Variants in MACROD2 observed in about 807,000 individuals in gnomAD.
MACROD2 encodes the protein ADP-ribose glycohydrolase MACROD2.
MACROD2 carries 36 observed loss-of-function variants against 70.4 expected under a neutral mutation model. The observed-to-expected ratio is 0.51, with a 90% CI of 0.39 to 0.68. The LOEUF (loss-of-function observed/expected upper bound fraction) is 0.68. Ranked by LOEUF, MACROD2 falls within the 30% of genes least tolerant of loss-of-function variation. The probability of loss-of-function intolerance (pLI) is 0.00; values close to 1 mark genes in which losing one functional copy is unlikely to be tolerated. For missense variants in MACROD2, 496 were observed against 538.4 expected (o/e 0.92, Z 0.78); for synonymous variants, 172 against 178.8 (o/e 0.96, Z 0.30).
chr20:14,497,010 G>A (rs1338647378), intron 4 of MACROD2, among the ~76,000 whole-genome samples: 1 of 151,724 alleles, frequency 6.6e-6, no homozygotes, highest in African/African-American at 2.4e-5. Flanking sequence ...GTTCTTGACT[G>A]CCACTCCAGG....
rs2071962192 is a variant in MACROD2 at position 14,757,854 on chromosome 20, C to T, written c.418+72895C>T. ...CCTGCCACTCTATGCCGTAGCCGTCCAGGGACTGGCAGGCCTCGGCCTAAA... is the reference window on the plus strand; with the variant it reads ...CCTGCCACTCTATGCCGTAGCCGTCTAGGGACTGGCAGGCCTCGGCCTAAA... On this transcript the variant is annotated intron_variant, in intron 5 of 17. Transcript: ENST00000684519. 13 of 1,510,808 alleles carry T rather than the reference C, an allele frequency of 8.6e-6. No individual in the cohort carries two copies. The Admixed American group carries it at 2.0e-4, about 23-fold the overall frequency. The allele number at this position is 1,510,808 out of a possible 1,614,324, so 93.6% of individuals were successfully genotyped here.
intron 8 of MACROD2, among the ~76,000 whole-genome samples, chr20:15,803,147 C>T (rs2063740780): frequency 6.6e-6 from 1 of 152,046 alleles, no homozygotes; most frequent in Non-Finnish European, 1.5e-5. Flanking sequence ...GGAATTCTTC[C>T]TAACTCACCC....
chr20:15,096,599 C>A (rs1171073787), intron 5 of MACROD2, among the ~76,000 whole-genome samples: 3 of 146,902 alleles, frequency 2.0e-5, no homozygotes, highest in African/African-American at 7.5e-5. Flanking sequence ...GCAGCCTCCG[C>A]CTGCCAGGTT....
intron 5 of MACROD2, among the ~76,000 whole-genome samples, chr20:14,957,528 T>C (rs1458336288): frequency 1.3e-5 from 2 of 152,214 alleles, no homozygotes; most frequent in African/African-American, 2.4e-5. Flanking sequence ...CAGAGAGTCA[T>C]AGATGGCAAA....
At chr20:15,111,114 A>T (rs1279446281) in intron 5 of MACROD2, among the ~76,000 whole-genome samples, 2 of 151,860 alleles carry the variant, frequency 1.3e-5, no homozygotes, top group African/African-American at 4.8e-5. Flanking sequence ...AATCAATCTT[A>T]AGTCTGCTGT....
intron 4 of MACROD2, among the ~76,000 whole-genome samples, chr20:14,635,488 A>G (rs887687925): frequency 6.6e-6 from 1 of 152,252 alleles, no homozygotes; most frequent in African/African-American, 2.4e-5. Context: ...AAGAATGTCC[A>G]TCACAATAGT....
At chr20:15,428,289 G>A (rs2146352473) in intron 6 of MACROD2, among the ~76,000 whole-genome samples, 1 of 152,256 alleles carries the variant, frequency 6.6e-6, no homozygotes, top group South Asian at 2.1e-4. Flanking sequence ...GAATTAAAGT[G>A]GGCCATCTTG....
At chr20:15,858,590 A>G (rs2147158000) in intron 8 of MACROD2, among the ~76,000 whole-genome samples, 1 of 152,280 alleles carries the variant, frequency 6.6e-6, no homozygotes, top group Admixed American at 6.5e-5. Flanking sequence ...ATGTATTTTG[A>G]TGGTTAGCTC....
At chr20:14,213,932 A>T (rs2081592204) in intron 3 of MACROD2, among the ~76,000 whole-genome samples, 1 of 152,100 alleles carries the variant, frequency 6.6e-6, no homozygotes, top group African/African-American at 2.4e-5. Flanking sequence ...ATTTAATGGG[A>T]ATATGATTAT....
At chr20:14,868,408 C>G (rs1391790783) in intron 5 of MACROD2, among the ~76,000 whole-genome samples, 1 of 151,912 alleles carries the variant, frequency 6.6e-6, no homozygotes, top group Non-Finnish European at 1.5e-5. Context: ...TCAAATGATT[C>G]TCTCACCTTG....
chr20:16,027,000 G>A (rs756778087), intron 15 of MACROD2, among the ~76,000 whole-genome samples: 1 of 152,156 alleles, frequency 6.6e-6, no homozygotes, highest in Non-Finnish European at 1.5e-5. Context: ...GCATAAAAAT[G>A]TTTAAACCCA....
intron 6 of MACROD2, among the ~76,000 whole-genome samples, chr20:15,347,356 A>G (rs2078177946): frequency 6.6e-6 from 1 of 152,194 alleles, no homozygotes; most frequent in African/African-American, 2.4e-5. Flanking sequence ...AGAAATGGAA[A>G]TGTAAGCACT....
intron 5 of MACROD2, among the ~76,000 whole-genome samples, chr20:14,942,364 C>G (rs1306704905): frequency 6.9e-6 from 1 of 144,606 alleles, no homozygotes; most frequent in Non-Finnish European, 1.5e-5. Flanking sequence ...TCTTCCTGTT[C>G]TTTCTCCTTA....
At chr20:14,759,052 C>T (rs1449761489) in intron 5 of MACROD2, among the ~76,000 whole-genome samples, 1 of 152,006 alleles carries the variant, frequency 6.6e-6, no homozygotes, top group Non-Finnish European at 1.5e-5. Context: ...TATATGCTTT[C>T]TGTTAAGCTG....
chr20:15,053,899 C>A (rs992399630), intron 5 of MACROD2, among the ~76,000 whole-genome samples: 4 of 152,102 alleles, frequency 2.6e-5, no homozygotes, highest in Non-Finnish European at 5.9e-5. Context: ...TCAACATGAA[C>A]AGGAGCTTGG....
chr20:14,138,202 T>A (rs1040994165), intron 3 of MACROD2, among the ~76,000 whole-genome samples: 1 of 152,070 alleles, frequency 6.6e-6, no homozygotes, highest in African/African-American at 2.4e-5. Flanking sequence ...AGTATGGAGG[T>A]TCCTTGAGAA....
At chr20:14,770,322 G>A (rs1478872450) in intron 5 of MACROD2, among the ~76,000 whole-genome samples, 1 of 151,836 alleles carries the variant, frequency 6.6e-6, no homozygotes, top group African/African-American at 2.4e-5. Context: ...TTCAAATAGG[G>A]GACTACAGGA....
chr20:15,103,833 G>A (rs1331920040), intron 5 of MACROD2, among the ~76,000 whole-genome samples: 3 of 152,130 alleles, frequency 2.0e-5, no homozygotes, highest in Admixed American at 6.5e-5. Context: ...GCCGTGAGCA[G>A]AACTGAATAA....
intron 3 of MACROD2, among the ~76,000 whole-genome samples, chr20:14,447,867 A>T (rs1006135385): frequency 6.6e-6 from 1 of 151,682 alleles, no homozygotes; most frequent in Non-Finnish European, 1.5e-5. Context: ...AGATGGGAAA[A>T]CTAGAGGCTG....
Sources: allele counts gnomAD v4.1 joint callset (sites outside exome capture counted in the v4.1 genomes callset), GRCh38; gene constraint gnomAD v4.1.1; transcripts MANE v1.5; gene names NCBI Gene and HGNC (gene_info 2026-07-23, HGNC 2026-07-21).